The following PCDH9 variants were observed in gnomAD, a reference collection of about 807,000 sequenced individuals.
PCDH9 encodes the protein protocadherin 9.
In PCDH9, 24 loss-of-function variants were observed where a neutral mutation model predicts 70.6. That is an observed-to-expected ratio of 0.34 (90% confidence interval 0.25 to 0.48). The LOEUF (loss-of-function observed/expected upper bound fraction) is 0.48, where lower values mean the gene tolerates loss of function less well. Among genes scored for constraint, PCDH9 ranks in the 20% least tolerant of loss-of-function variants. The pLI is 0.99. For missense variants in PCDH9, 1,281 were observed against 1,503.6 expected (o/e 0.85, Z 2.45); for synonymous variants, 562 against 558.5 (o/e 1.01, Z -0.09).
chr13:66,675,700 T>C (rs1482540208), intron 3 of PCDH9, among the ~76,000 whole-genome samples: 1 of 152,138 alleles, frequency 6.6e-6, no homozygotes, highest in Non-Finnish European at 1.5e-5. Flanking sequence ...TTAAAGCATC[T>C]AGTACAGAAT....
rs145516261 is a variant in PCDH9 at position 67,137,747 on chromosome 13, T to C, written c.3036+87658A>G. 4.1e-3 allele frequency among the ~76,000 whole-genome samples: 626 copies of C among 152,246 alleles called. 6 individuals are homozygous for C. The highest frequency in any genetic ancestry group is 0.014 in the African/African-American group (602 of 41,554). ...AAGGAAATTCTTCCTTCTCTGGTGG[T>C]CTCTTTCAGCTACTAAAAAAGTTGC... is the stretch of plus-strand genomic sequence containing the variant. On this transcript the variant is annotated intron_variant, in intron 2 of 4. Coordinates refer to ENST00000377865, the MANE Select transcript of PCDH9 (RefSeq NM_203487.3).
In PCDH9 at chr13:66,730,876, G is replaced by GTGTTTTTTTTTTTTTTTTTTTT. The variant is rs1555262846; in HGVS notation, c.3139-99466_3139-99465insAAAAAAAAAAAAAAAAAAAACA. Among the ~76,000 whole-genome samples, 5 of 46,356 alleles carry GTGTTTTTTTTTTTTTTTTTTTT rather than the reference G, an allele frequency of 1.1e-4. 1 individual carries two copies. Among genetic ancestry groups the GTGTTTTTTTTTTTTTTTTTTTT allele is most frequent in the African/African-American group, 3.8e-4 (5 of 13,276 alleles). The allele number at this position is 46,356 out of a possible 152,430, so 30.4% of individuals were successfully genotyped here. A position where few individuals can be genotyped will look rare whatever the true frequency, so the allele number is the denominator to read the frequency against. On this transcript the variant is annotated intron_variant, in intron 3 of 4. Coordinates refer to ENST00000377865, the MANE Select transcript of PCDH9 (RefSeq NM_203487.3). ...TGTTTTTGTTTTTTTGTGTGTGTGTGTTTTTTTTTTGTTTGTTTCTTTTTT... is the reference window on the plus strand; with the variant it reads ...TGTTTTTGTTTTTTTGTGTGTGTGTGTGTTTTTTTTTTTTTTTTTTTTTTTTTTTTTTGTTTGTTTCTTTTTT...
At chr13:66,412,565 A>G (rs974634595) in intron 4 of PCDH9, among the ~76,000 whole-genome samples, 3 of 152,204 alleles carry the variant, frequency 2.0e-5, no homozygotes, top group Non-Finnish European at 4.4e-5. Flanking sequence ...TACATTCTAT[A>G]GTAGATTATT....
chr13:66,433,442 CT>C (rs1405972576), intron 4 of PCDH9, among the ~76,000 whole-genome samples: 3 of 150,048 alleles, frequency 2.0e-5, no homozygotes, highest in East Asian at 2.0e-4. Context: ...GAAAACCTTC[CT>C]TTTTTTTCAA....
intron 2 of PCDH9, chr13:67,220,139 A>G (rs1201123719): frequency 6.6e-6 from 1 of 151,852 alleles, no homozygotes; most frequent in African/African-American, 2.4e-5. Context: ...GAATTCCCCC[A>G]ACCGAAAAAA....
intron 2 of PCDH9, among the ~76,000 whole-genome samples, chr13:67,099,343 AT>A: frequency 6.6e-6 from 1 of 152,224 alleles, no homozygotes; most frequent in Non-Finnish European, 1.5e-5. Context: ...AATACCAAGA[AT>A]TCAAGTCAAA....
intron 4 of PCDH9, among the ~76,000 whole-genome samples, chr13:66,434,691 A>G (rs1448421417): frequency 1.3e-5 from 2 of 152,014 alleles, no homozygotes; most frequent in African/African-American, 4.8e-5. Context: ...GCACACATAT[A>G]AGCTGAAAAT....
At chr13:66,430,518 AT>A (rs758004877) in intron 4 of PCDH9, among the ~76,000 whole-genome samples, 3 of 152,020 alleles carry the variant, frequency 2.0e-5, no homozygotes, top group Non-Finnish European at 4.4e-5. Context: ...ATAACATAGT[AT>A]ATCCATTTAT....
At chr13:66,673,967 T>C (rs2078210398) in intron 3 of PCDH9, among the ~76,000 whole-genome samples, 2 of 152,304 alleles carry the variant, frequency 1.3e-5, no homozygotes, top group South Asian at 4.1e-4. Context: ...GATATCATTC[T>C]ATTACCACCA....
intron 3 of PCDH9, among the ~76,000 whole-genome samples, chr13:66,688,170 T>A (rs2078432571): frequency 6.6e-6 from 1 of 152,164 alleles, no homozygotes; most frequent in African/African-American, 2.4e-5. Context: ...TTTACAACTA[T>A]TTGTGCACTC....
chr13:66,885,860 ACT>A (rs1489774630), intron 3 of PCDH9: 1 of 152,138 alleles, frequency 6.6e-6, no homozygotes, highest in Non-Finnish European at 1.5e-5. Context: ...TTCTCACGAA[ACT>A]GTTTTCTTTA....
intron 4 of PCDH9, among the ~76,000 whole-genome samples, chr13:66,529,188 A>G (rs1368784719): frequency 3.3e-5 from 5 of 152,140 alleles, no homozygotes; most frequent in Non-Finnish European, 7.4e-5. Flanking sequence ...ATATAGGACA[A>G]ATCAGTGTCA....
chr13:66,729,301 T>TA (rs2079042579), intron 3 of PCDH9, among the ~76,000 whole-genome samples: 1 of 152,142 alleles, frequency 6.6e-6, no homozygotes, highest in Non-Finnish European at 1.5e-5. Flanking sequence ...AAATTCATCA[T>TA]AAATTCCTCT....
At chr13:67,146,240 A>C (rs892837811) in intron 2 of PCDH9, among the ~76,000 whole-genome samples, 1 of 152,170 alleles carries the variant, frequency 6.6e-6, no homozygotes, top group Non-Finnish European at 1.5e-5. Context: ...TAAAGCCCTT[A>C]CTAAGAATTT....
At chr13:66,932,419 A>G (rs557303178) in intron 2 of PCDH9, among the ~76,000 whole-genome samples, 1 of 152,250 alleles carries the variant, frequency 6.6e-6, no homozygotes, top group South Asian at 2.1e-4. Flanking sequence ...TTCTGCTATA[A>G]CCATCAAATC....
intron 3 of PCDH9, among the ~76,000 whole-genome samples, chr13:66,700,930 AT>A (rs2078634029): frequency 1.6e-5 from 1 of 61,958 alleles, no homozygotes; most frequent in Non-Finnish European, 3.0e-5. Flanking sequence ...ATAAATATAT[AT>A]ATATATATAT....
intron 3 of PCDH9, among the ~76,000 whole-genome samples, chr13:66,848,182 A>G (rs549862409): frequency 3.9e-5 from 6 of 152,254 alleles, no homozygotes; most frequent in Admixed American, 1.3e-4. Flanking sequence ...TTCCCCTCCT[A>G]TTTTGCTATA....
At chr13:66,818,911 G>A (rs2080658472) in intron 3 of PCDH9, among the ~76,000 whole-genome samples, 2 of 149,474 alleles carry the variant, frequency 1.3e-5, no homozygotes, top group African/African-American at 4.9e-5. Context: ...TCCAGCCTGG[G>A]TGAAAGAGCT....
At chr13:67,116,957 C>T (rs1383924300) in intron 2 of PCDH9, among the ~76,000 whole-genome samples, 5 of 151,842 alleles carry the variant, frequency 3.3e-5, no homozygotes, top group South Asian at 2.1e-4. Context: ...ATTTTATTCA[C>T]GACTTTATAT....
Sources: gnomAD v4.1 joint callset for allele counts (sites outside exome capture counted in the v4.1 genomes callset) on GRCh38, gnomAD v4.1.1 for gene constraint, MANE v1.5 for transcripts, NCBI Gene and HGNC (gene_info 2026-07-23, HGNC 2026-07-21) for gene names.